The following TSPAN31 variants were observed in gnomAD, a reference collection of about 807,000 sequenced individuals.
TSPAN31 encodes the protein tetraspanin-31.
TSPAN31 carries 16 observed loss-of-function variants against 24.8 expected under a neutral mutation model. The ratio of observed to expected loss-of-function variants is 0.64; its 90% CI spans 0.44 to 0.98. The LOEUF (loss-of-function observed/expected upper bound fraction) is 0.98. TSPAN31 is among the 50% of genes least tolerant of loss of function. The pLI, the probability that TSPAN31 is intolerant of heterozygous loss-of-function variation, is 0.00. For synonymous variants in TSPAN31, 87 were observed against 91.4 expected, an observed-to-expected ratio of 0.95 and a Z score of 0.27; for missense variants, 209 against 251.6, an observed-to-expected ratio of 0.83 and a Z score of 1.15.
At chr12:57,746,408 TG>T in intron 3 of TSPAN31, 152 bp downstream of exon 3, 1 of 1,126,808 alleles carries the variant, frequency 8.9e-7, no homozygotes, top group Non-Finnish European at 1.3e-6. Context: ...CTGGGATGTC[TG>T]GTTAATTTTC....
Position 57,749,437 on chromosome 12 carries a change from C to A in TSPAN31, c.*2147C>A, listed in dbSNP as rs2140383710. 1 of 1,613,932 alleles carries A rather than the reference C, an allele frequency of 6.2e-7. No homozygotes were observed. ...ACTCAGAATAGAAAATCTTTTTCTC[C>A]CATGTTGGTCACTTACTCAAAGATT... On this transcript the variant is annotated 3_prime_UTR_variant, in exon 6 of 6. Transcript: ENST00000257910.
Position 57,747,426 on chromosome 12 carries a change from A to T in TSPAN31, c.*136A>T, listed in dbSNP as rs1220741483. 2.8e-6 allele frequency: 2 copies of T among 715,608 alleles called. No homozygotes were observed. Among genetic ancestry groups the T allele is most frequent in the Admixed American group, 5.7e-5 (2 of 35,158 alleles). 44.3% of individuals were successfully genotyped at this position (715,608 alleles called of 1,614,324 possible). Reference sequence around the variant, plus strand: ...TTGTCACATCCTCTAAAATTGATGGAATAGCAAGACTTTATGCCTTGACAT... The same window carrying T: ...TTGTCACATCCTCTAAAATTGATGGTATAGCAAGACTTTATGCCTTGACAT... On this transcript the variant is annotated 3_prime_UTR_variant, in exon 6 of 6. Transcript: ENST00000257910.
In TSPAN31 at chr12:57,745,330, G is replaced by T; in HGVS notation, c.63+113G>T. The T allele has an allele frequency of 8.1e-7, 1 of 1,229,134 alleles. No individual in the cohort carries two copies. 76.1% of individuals were successfully genotyped at this position (1,229,134 alleles called of 1,614,324 possible). ...ATGGGGGTTCCGGGAAGATTCCCAG[G>T]AACTTCCGGCGACGAGGGAATTCCT... is the stretch of plus-strand genomic sequence containing the variant. On this transcript the variant is annotated intron_variant, in intron 1 of 5. Coordinates refer to ENST00000257910, the MANE Select transcript of TSPAN31 (RefSeq NM_005981.5).
Position 57,748,707 on chromosome 12 carries a change from T to TA in TSPAN31, c.*1417_*1418insA. On this transcript the variant is annotated 3_prime_UTR_variant, in exon 6 of 6. Coordinates refer to ENST00000257910, the MANE Select transcript of TSPAN31 (RefSeq NM_005981.5). ...ACCTGGGATGAGCTTTCTTCTTTTT[T>TA]CTTTTTTTTTTTTTTTGAGACGGAG... 9.0e-6 allele frequency: 8 copies of TA among 889,906 alleles called. No individual in the cohort carries two copies. The highest frequency in any genetic ancestry group is 1.5e-5 in the Non-Finnish European group (8 of 544,368). 55.1% of individuals were successfully genotyped at this position (889,906 alleles called of 1,614,324 possible). A position where few individuals can be genotyped will look rare whatever the true frequency, so the allele number is the denominator to read the frequency against.
chr12:57,746,753 G>A (rs1356832083), intron 4 of TSPAN31, 33 bp downstream of exon 4: 2 of 1,613,186 alleles, frequency 1.2e-6, no homozygotes, highest in Admixed American at 1.7e-5. Context: ...AGCAGCCAGG[G>A]GAGGTAGGAA....
At chr12:57,745,965 C>T in intron 2 of TSPAN31, 53 bp downstream of exon 2, 1 of 1,552,938 alleles carries the variant, frequency 6.4e-7, no homozygotes, top group Non-Finnish European at 8.7e-7. Flanking sequence ...GGGCTGTCAT[C>T]TAAGGAAGAT....
At position 57,748,394 on chromosome 12, in the gene TSPAN31, A is replaced by G. The variant is rs1955184418; in HGVS notation, c.*1104A>G. 4 of 769,268 alleles carry G rather than the reference A, an allele frequency of 5.2e-6. No homozygotes were observed. In the South Asian group the frequency reaches 5.4e-5, roughly 10 times the overall value. 47.7% of individuals were successfully genotyped at this position (769,268 alleles called of 1,614,324 possible). A position where few individuals can be genotyped will look rare whatever the true frequency, so the allele number is the denominator to read the frequency against. ...GGTGGGAGGGGAATGTCATTAAGGC[A>G]GCAAAGTAATCTCTGTAGAAAGATG... On this transcript the variant is annotated 3_prime_UTR_variant, in exon 6 of 6. Transcript: ENST00000257910.
chr12:57,746,150 C>T (rs748645049), intron 2 of TSPAN31, 26 bp from the exon 3 acceptor site: 59 of 1,602,664 alleles, frequency 3.7e-5, no homozygotes, highest in African/African-American at 5.4e-5. Context: ...GAATCTAGGA[C>T]TTTTTTCCAT....
At position 57,747,637 on chromosome 12, in the gene TSPAN31, G is replaced by C. The variant is rs3211638; in HGVS notation, c.*347G>C. On this transcript the variant is annotated 3_prime_UTR_variant, in exon 6 of 6. Transcript: ENST00000257910. ...CTGGTGTGGCTCTAAGGGTAAATCAGGGATAGGGCCAAGGAGAAAACAACC... is the reference window on the plus strand; with the variant it reads ...CTGGTGTGGCTCTAAGGGTAAATCACGGATAGGGCCAAGGAGAAAACAACC... The C allele has an allele frequency of 0.025, 5,200 of 204,652 alleles. 284 individuals carry two copies. The highest frequency in any genetic ancestry group is 0.11 in the African/African-American group (4,912 of 43,334). The allele number at this position is 204,652 out of a possible 1,614,324, so 12.7% of individuals were successfully genotyped here.
chr12:57,745,068 GAC>G lies in TSPAN31; in HGVS notation c.-85_-84del. On this transcript the variant is annotated 5_prime_UTR_variant, in exon 1 of 6. Coordinates refer to ENST00000257910, the MANE Select transcript of TSPAN31 (RefSeq NM_005981.5). Reference sequence around the variant, plus strand: ...GGTTTGGCTGGCCTCGATTTAAAGAGACAGAAGCTGTCGGGGTCCTGGAAGAC... The same window carrying G: ...GGTTTGGCTGGCCTCGATTTAAAGAGAGAAGCTGTCGGGGTCCTGGAAGAC... 1 of 1,309,838 alleles carries G rather than the reference GAC, an allele frequency of 7.6e-7. No individual in the cohort carries two copies. The highest frequency in any genetic ancestry group is 1.3e-5 in the South Asian group (1 of 79,044). The allele number at this position is 1,309,838 out of a possible 1,614,324, so 81.1% of individuals were successfully genotyped here.
At chr12:57,746,413 A>G (rs1450284967) in intron 3 of TSPAN31, 157 bp downstream of exon 3, 1 of 1,134,156 alleles carries the variant, frequency 8.8e-7, no homozygotes, top group South Asian at 1.3e-5. Context: ...ATGTCTGGTT[A>G]ATTTTCCATG....
chr12:57,748,254 T>C lies in TSPAN31; in HGVS notation c.*964T>C, dbSNP rs1051806760. The C allele has an allele frequency of 3.1e-5, 12 of 385,606 alleles. No individual in the cohort carries two copies. The highest frequency in any genetic ancestry group is 5.8e-5 in the Non-Finnish European group (12 of 208,308). The allele number at this position is 385,606 out of a possible 1,614,324, so 23.9% of individuals were successfully genotyped here. ...AAAAAAAGACCATTATTTCTTTGTT[T>C]TGTTTTTCCTGTATAAAAAAGGACC... On this transcript the variant is annotated 3_prime_UTR_variant, in exon 6 of 6. Coordinates refer to ENST00000257910, the MANE Select transcript of TSPAN31 (RefSeq NM_005981.5).
intron 2 of TSPAN31, 23 bp from the exon 3 acceptor site, chr12:57,746,153 T>C (rs748608582): frequency 6.2e-7 from 1 of 1,607,432 alleles, no homozygotes; most frequent in East Asian, 2.2e-5. Flanking sequence ...TCTAGGACTT[T>C]TTTCCATAAC....
Position 57,747,306 on chromosome 12 carries a change from T to C in TSPAN31, c.*16T>C. On this transcript the variant is annotated 3_prime_UTR_variant, in exon 6 of 6. Transcript: ENST00000257910. ...CTTTCTATGAGACTTTGGATCCTTC[T>C]GACTTTTCTTCTGCTCTCTCTAAGC... 6.2e-7 allele frequency: 1 copy of C among 1,611,552 alleles called. No homozygotes were observed. The highest frequency in any genetic ancestry group is 2.2e-5 in the East Asian group (1 of 44,872).
At position 57,749,097 on chromosome 12, in the gene TSPAN31, C is replaced by G. The variant is rs1038062333; in HGVS notation, c.*1807C>G. 6.5e-7 allele frequency: 1 copy of G among 1,544,166 alleles called. No homozygotes were observed. Among genetic ancestry groups the G allele is most frequent in the South Asian group, 1.1e-5 (1 of 89,632 alleles). ...CCATCTACCAACCAAGTTTCATTAA[C>G]CACAGTGGCCAGGGCCCTGCATACT... is the stretch of plus-strand genomic sequence containing the variant. On this transcript the variant is annotated 3_prime_UTR_variant, in exon 6 of 6. Transcript: ENST00000257910.
intron 1 of TSPAN31, 110 bp from the exon 2 acceptor site, chr12:57,745,635 A>T: frequency 7.3e-7 from 1 of 1,367,866 alleles, no homozygotes; most frequent in East Asian, 2.3e-5. Flanking sequence ...TCCCATTCAC[A>T]CACTATTCCA....
At position 57,746,498 on chromosome 12, in the gene TSPAN31, TG is replaced by T. The variant is rs1224714930; in HGVS notation, c.313-90del. ...TGTTGCACACCGTTATGCTTCTGTT[TG>T]ACTTCCTTTGCTGGGCTAGGGAAAT... On this transcript the variant is annotated intron_variant, in intron 3 of 5. Coordinates refer to ENST00000257910, the MANE Select transcript of TSPAN31 (RefSeq NM_005981.5). 4.8e-5 allele frequency: 73 copies of T among 1,505,532 alleles called. No homozygotes were observed. The African/African-American group carries it at 8.9e-4, about 18-fold the overall frequency. 93.3% of individuals were successfully genotyped at this position (1,505,532 alleles called of 1,614,324 possible).
rs185407806 is a variant in TSPAN31, at chr12:57,745,096, G to A, written c.-59G>A. The stretch of plus-strand genomic sequence containing the variant: ...AGAAGCTGTCGGGGTCCTGGAAGAC[G>A]GTCCCCAATACCCTCCCCCCAAGTC... On this transcript the variant is annotated 5_prime_UTR_variant, in exon 1 of 6. Transcript: ENST00000257910. The A allele has an allele frequency of 3.3e-6, 5 of 1,503,148 alleles. No individual in the cohort carries two copies. The African/African-American group carries it at 4.1e-5, about 12-fold the overall frequency. The allele number at this position is 1,503,148 out of a possible 1,614,324, so 93.1% of individuals were successfully genotyped here. A position where few individuals can be genotyped will look rare whatever the true frequency, so the allele number is the denominator to read the frequency against.
Position 57,747,635 on chromosome 12 carries a change from C to T in TSPAN31, c.*345C>T, listed in dbSNP as rs181918344. 7.3e-4 allele frequency: 151 copies of T among 208,094 alleles called. 1 individual carries two copies. The highest frequency in any genetic ancestry group is 1.9e-3 in the Middle Eastern group (1 of 532). The allele number at this position is 208,094 out of a possible 1,614,324, so 12.9% of individuals were successfully genotyped here. A position where few individuals can be genotyped will look rare whatever the true frequency, so the allele number is the denominator to read the frequency against. ...CCCTGGTGTGGCTCTAAGGGTAAAT[C>T]AGGGATAGGGCCAAGGAGAAAACAA... On this transcript the variant is annotated 3_prime_UTR_variant, in exon 6 of 6. Transcript: ENST00000257910.
Sources: gnomAD v4.1 joint callset for allele counts on GRCh38, gnomAD v4.1.1 for gene constraint, MANE v1.5 for transcripts, NCBI Gene and HGNC (gene_info 2026-07-23, HGNC 2026-07-21) for gene names.